The following KPNA3 variants were observed in gnomAD, a reference collection of about 807,000 sequenced individuals.
The protein encoded by KPNA3 is karyopherin subunit alpha 3.
KPNA3 carries 13 observed loss-of-function variants against 73.8 expected under a neutral mutation model. That is an observed-to-expected ratio of 0.18 (90% CI 0.11 to 0.28). The LOEUF is 0.28. Ranked by LOEUF, KPNA3 falls within the 10% of genes least tolerant of loss-of-function variation. The probability of loss-of-function intolerance (pLI) is 1.00; values close to 1 mark genes in which losing one functional copy is unlikely to be tolerated. For missense variants in KPNA3, 360 were observed against 618.1 expected (o/e 0.58, Z 4.43); for synonymous variants, 186 against 206.9 (o/e 0.90, Z 0.87).
chr13:49,787,188 T>G (rs1455486387), intron 1 of KPNA3, among the ~76,000 whole-genome samples: 1 of 152,204 alleles, frequency 6.6e-6, no homozygotes, highest in East Asian at 1.9e-4. Flanking sequence ...TATCAGAAAC[T>G]AAAGCATAAA....
chr13:49,763,297 C>G (rs1465066384), intron 1 of KPNA3, among the ~76,000 whole-genome samples: 1 of 151,948 alleles, frequency 6.6e-6, no homozygotes, highest in Non-Finnish European at 1.5e-5. Flanking sequence ...GGTTTTACAG[C>G]AAATTTAAAG....
chr13:49,787,634 G>A (rs1954994503), intron 1 of KPNA3, among the ~76,000 whole-genome samples: 1 of 151,514 alleles, frequency 6.6e-6, no homozygotes. Flanking sequence ...AGCCTCCCTT[G>A]TAGCTGGGAT....
intron 1 of KPNA3, among the ~76,000 whole-genome samples, chr13:49,781,028 ACT>A (rs1224723793): frequency 6.6e-6 from 1 of 151,984 alleles, no homozygotes; most frequent in Non-Finnish European, 1.5e-5. Flanking sequence ...AGCCAGAAAT[ACT>A]GTTACTTTAG....
At chr13:49,758,751 T>TAA (rs1470591874) in intron 1 of KPNA3, among the ~76,000 whole-genome samples, 1 of 73,480 alleles carries the variant, frequency 1.4e-5, no homozygotes, top group Non-Finnish European at 4.7e-5. Context: ...TACATATAAA[T>TAA]ATACACACAC....
At chr13:49,744,672 C>CA (rs1209836679) in intron 2 of KPNA3, among the ~76,000 whole-genome samples, 2 of 152,092 alleles carry the variant, frequency 1.3e-5, no homozygotes, top group African/African-American at 4.8e-5. Flanking sequence ...AGGGATTCAC[C>CA]ATGTTGGCCA....
intron 6 of KPNA3, among the ~76,000 whole-genome samples, chr13:49,730,702 C>T (rs1954458128): frequency 6.7e-6 from 1 of 150,268 alleles, no homozygotes; most frequent in African/African-American, 2.5e-5. Flanking sequence ...ATGTGCCATG[C>T]TGGTGTGCTG....
chr13:49,784,247 T>A (rs997351782), intron 1 of KPNA3, among the ~76,000 whole-genome samples: 3 of 151,990 alleles, frequency 2.0e-5, no homozygotes, highest in African/African-American at 7.3e-5. Context: ...AAATTTTTTT[T>A]TAAAAAAACT....
intron 1 of KPNA3, among the ~76,000 whole-genome samples, chr13:49,758,950 GGCA>G (rs1954735611): frequency 6.6e-6 from 1 of 151,924 alleles, no homozygotes; most frequent in Admixed American, 6.6e-5. Flanking sequence ...CCAACTAATG[GGCA>G]GAAAAGGTAC....
At chr13:49,762,728 G>A (rs971516183) in intron 1 of KPNA3, among the ~76,000 whole-genome samples, 2 of 151,782 alleles carry the variant, frequency 1.3e-5, no homozygotes, top group Non-Finnish European at 2.9e-5. Flanking sequence ...CAAACACTGC[G>A]GTAGGCCGCA....
In KPNA3 at chr13:49,786,028, TG is replaced by T. The variant is rs539432503; in HGVS notation, c.69+6409del. Among the ~76,000 whole-genome samples the T allele has an allele frequency of 6.2e-3, 945 of 152,360 alleles. 7 individuals are homozygous for T. Among genetic ancestry groups the T allele is most frequent in the Non-Finnish European group, 0.01 (695 of 68,034 alleles). On this transcript the variant is annotated intron_variant, in intron 1 of 16. Transcript: ENST00000261667. ...TTAATGTGATACTAAAAATCACATATGAACCAATATGAACTTTGCCTTAACA... is the reference window on the plus strand; with the variant it reads ...TTAATGTGATACTAAAAATCACATATAACCAATATGAACTTTGCCTTAACA...
At chr13:49,723,819 G>C (rs1056342743) in intron 7 of KPNA3, among the ~76,000 whole-genome samples, 3 of 141,718 alleles carry the variant, frequency 2.1e-5, no homozygotes, top group African/African-American at 7.9e-5. Context: ...GCAGTGAGCT[G>C]AGATCACGCC....
At chr13:49,760,414 CAAA>C (rs1365099527) in intron 1 of KPNA3, among the ~76,000 whole-genome samples, 3 of 60,146 alleles carry the variant, frequency 5.0e-5, no homozygotes, top group African/African-American at 7.4e-5. Context: ...GATCCCATCT[CAAA>C]AAAAAAAAAA....
At chr13:49,743,949 T>C (rs1430282064) in intron 2 of KPNA3, among the ~76,000 whole-genome samples, 1 of 152,170 alleles carries the variant, frequency 6.6e-6, no homozygotes, top group Admixed American at 6.5e-5. Context: ...TTAAAGAAAG[T>C]AATCTTCATT....
At chr13:49,751,446 C>T (rs1954662429) in intron 1 of KPNA3, among the ~76,000 whole-genome samples, 1 of 152,310 alleles carries the variant, frequency 6.6e-6, no homozygotes, top group Non-Finnish European at 1.5e-5. Flanking sequence ...TCCTTCCATG[C>T]ACTGAATCAA....
In KPNA3 at chr13:49,732,946, T is replaced by C. The variant is rs1431833640; in HGVS notation, c.204+11A>G. 1.3e-6 allele frequency: 2 copies of C among 1,554,888 alleles called. No individual in the cohort carries two copies. Among genetic ancestry groups the C allele is most frequent in the Non-Finnish European group, 1.8e-6 (2 of 1,131,794 alleles). On this transcript the variant is annotated intron_variant, in intron 3 of 16. Transcript: ENST00000261667. ...TTATTTTAAAATCACTATTAAAACA[T>C]GGTAACTTACTGCTTTAAAATCAGC...
intron 1 of KPNA3, among the ~76,000 whole-genome samples, chr13:49,786,811 T>C (rs979834795): frequency 6.6e-6 from 1 of 152,210 alleles, no homozygotes; most frequent in Non-Finnish European, 1.5e-5. Flanking sequence ...CTGAAGTCAA[T>C]GGGAAGGATC....
Position 49,701,551 on chromosome 13 carries a change from A to C in KPNA3, c.*249T>G, listed in dbSNP as rs867909820. On this transcript the variant is annotated 3_prime_UTR_variant, in exon 17 of 17. Coordinates refer to ENST00000261667, the MANE Select transcript of KPNA3 (RefSeq NM_002267.4). ...GCCTGTGGCACCAGGGAACAGGGAAAAATAGGGTAGTTGAGATTGTTAAGG... is the reference window on the plus strand; with the variant it reads ...GCCTGTGGCACCAGGGAACAGGGAACAATAGGGTAGTTGAGATTGTTAAGG... The C allele has an allele frequency of 3.4e-5, 20 of 583,518 alleles. No homozygotes were observed. The Middle Eastern group carries it at 1.4e-3, about 40-fold the overall frequency. 36.1% of individuals were successfully genotyped at this position (583,518 alleles called of 1,614,324 possible).
At chr13:49,727,447 C>CAAAAA (rs1242720259) in intron 6 of KPNA3, among the ~76,000 whole-genome samples, 1 of 50,078 alleles carries the variant, frequency 2.0e-5, no homozygotes, top group Admixed American at 2.2e-4. Context: ...GATTCCATCT[C>CAAAAA]AAAAAAAAAA....
rs190105839 is a variant in KPNA3, at chr13:49,702,073, C to T, written c.1468-175G>A. The stretch of plus-strand genomic sequence containing the variant: ...AAATTTAACAATTTAAAATTTAACA[C>T]GTTTCGAAACTGCATTGTTAAGTTT... On this transcript the variant is annotated intron_variant, in intron 16 of 16. Coordinates refer to ENST00000261667, the MANE Select transcript of KPNA3 (RefSeq NM_002267.4). Among the ~76,000 whole-genome samples the T allele has an allele frequency of 5.9e-5, 9 of 152,206 alleles. No homozygotes were observed. In the East Asian group the frequency reaches 1.2e-3, roughly 20 times the overall value.
Sources: allele counts gnomAD v4.1 joint callset (sites outside exome capture counted in the v4.1 genomes callset), GRCh38; gene constraint gnomAD v4.1.1; transcripts MANE v1.5; gene names NCBI Gene and HGNC (gene_info 2026-07-23, HGNC 2026-07-21).